Variants in MYH4 observed in about 807,000 individuals in gnomAD.
MYH4 encodes myosin-4.
Under a neutral mutation model 229.9 loss-of-function variants are expected in MYH4, and 200 were observed. That is an observed-to-expected ratio of 0.87 (90% confidence interval 0.78 to 0.98). The LOEUF is 0.98. Among genes scored for constraint, MYH4 ranks in the 50% least tolerant of loss-of-function variants. MYH4 has a pLI of 0.00. For missense variants in MYH4, 2,148 were observed against 2,332.6 expected, an observed-to-expected ratio of 0.92 and a Z score of 1.63; for synonymous variants, 761 against 834.6, an observed-to-expected ratio of 0.91 and a Z score of 1.52.
At chr17:10,460,840 A>G (rs750953301) in intron 12 of MYH4, 76 bp downstream of exon 12, 27 of 1,536,264 alleles carry the variant, frequency 1.8e-5, no homozygotes, top group Non-Finnish European at 2.3e-5. Context: ...CAGAGAAAGT[A>G]AAAACACGGT....
intron 3 of MYH4, 34 bp from the exon 4 acceptor site, chr17:10,466,450 A>G (rs1028778448): frequency 3.1e-6 from 5 of 1,612,786 alleles, no homozygotes; most frequent in Non-Finnish European, 3.4e-6. Context: ...TGCATATCAA[A>G]TAAGTAGCAG....
intron 2 of MYH4, among the ~76,000 whole-genome samples, chr17:10,468,250 A>G (rs1174830123): frequency 6.6e-6 from 1 of 152,196 alleles, no homozygotes; most frequent in Non-Finnish European, 1.5e-5. Context: ...GGAGGTTACT[A>G]TAATGCAGTG....
In MYH4 at chr17:10,465,430, A is replaced by G. The variant is rs369242383; in HGVS notation, c.505+12T>C. 1 of 1,613,058 alleles carries G rather than the reference A, an allele frequency of 6.2e-7. No individual in the cohort carries two copies. Among genetic ancestry groups the G allele is most frequent in the Non-Finnish European group, 8.5e-7 (1 of 1,179,836 alleles). On this transcript the variant is annotated intron_variant, in intron 5 of 39. Transcript: ENST00000255381. ...TTTACAAATGGCTATGGAAATTGTA[A>G]TTCTCACTCACCAGTTAGCATGAAC...
Position 10,459,326 on chromosome 17 carries a change from G to A in MYH4, c.1512C>T (p.Tyr504=). 6.2e-7 allele frequency: 1 copy of A among 1,614,120 alleles called. No individual in the cohort carries two copies. The highest frequency in any genetic ancestry group is 2.2e-5 in the East Asian group (1 of 44,878). The change falls in exon 15 of 40, where the codon TAC becomes TAT. Residue 504 remains tyrosine (Y), a synonymous_variant. Transcript: ENST00000255381. Reference sequence around the variant, plus strand: ...ACTCCCACTCGATGCCTTCCTTCTTGTACTCTTCCTGCTCCAGCACGAACA... The same window carrying A: ...ACTCCCACTCGATGCCTTCCTTCTTATACTCTTCCTGCTCCAGCACGAACA... ...HHMFVLEQEE[Y]KKEGIEWEFI... is the part of the protein sequence containing the mutation.
Position 10,452,048 on chromosome 17 carries a change from T to C in MYH4, c.3631A>G (p.Ile1211Val), listed in dbSNP as rs758703337. 18 of 1,613,792 alleles carry C rather than the reference T, an allele frequency of 1.1e-5. 1 individual carries two copies. The South Asian group carries it at 1.9e-4, about 17-fold the overall frequency. The change falls in exon 27 of 40, where the codon ATT becomes GTT. Residue 1211 changes from isoleucine to valine, a missense_variant. Physicochemically the swap from Ile to Val is conservative, Grantham distance 29. Coordinates refer to ENST00000255381, the MANE Select transcript of MYH4 (RefSeq NM_017533.2). ...ADSVAELGEQIDSLQRVKQKL... is the reference protein window; with the variant it reads ...ADSVAELGEQVDSLQRVKQKL... ...TGCTTGACCCGCTGAAGGCTGTCAA[T>C]CTGCTCCCCAAGCTCAGCCACACTA...
At chr17:10,458,495 T>C (rs1040663521) in intron 15 of MYH4, among the ~76,000 whole-genome samples, 1 of 152,208 alleles carries the variant, frequency 6.6e-6, no homozygotes, top group Non-Finnish European at 1.5e-5. Flanking sequence ...TAAACTCTTA[T>C]CTTTCATATT....
chr17:10,456,355 G>A, intron 17 of MYH4, 130 bp downstream of exon 17: 1 of 712,510 alleles, frequency 1.4e-6, no homozygotes, highest in Non-Finnish European at 2.2e-6. Context: ...AAAACCTTTA[G>A]TAGTATACTA....
Position 10,448,735 on chromosome 17 carries a change from C to G in MYH4, c.4414G>C (p.Glu1472Gln), listed in dbSNP as rs772615336. Residue 1472 changes from glutamate to glutamine, a missense_variant, in exon 32 of 40, where the codon GAG becomes CAG. Glu to Gln is a conservative substitution (Grantham distance 29). Transcript: ENST00000255381. ...GAACGCGACTCCTTCTGGGAGGCCT[C>G]AAGTTCAGCCTGAGTTTCCTCATAC... is the stretch of plus-strand genomic sequence containing the variant. The part of the protein sequence containing the change: ...QKYEETQAEL[E>Q]ASQKESRSLS... The G allele has an allele frequency of 1.2e-6, 2 of 1,614,124 alleles. No homozygotes were observed. The highest frequency in any genetic ancestry group is 4.5e-5 in the East Asian group (2 of 44,882).
chr17:10,448,500 C>T lies in MYH4; in HGVS notation c.4552G>A (p.Glu1518Lys). The change falls in exon 33 of 40, where the codon GAG becomes AAG. Residue 1518 changes from glutamate (E) to lysine (K), a missense_variant. Transcript: ENST00000255381. ...TGCTTTCCACCCTCTGCAATTTGCTCTGTCAGGTCAGAAATCTCCTCTGTA... is the reference window on the plus strand; with the variant it reads ...TGCTTTCCACCCTCTGCAATTTGCTTTGTCAGGTCAGAAATCTCCTCTGTA... ...NLQQEISDLT[E>K]QIAEGGKHIH... The T allele has an allele frequency of 1.2e-6, 2 of 1,613,756 alleles. No homozygotes were observed. The highest frequency in any genetic ancestry group is 1.1e-5 in the South Asian group (1 of 90,972).
intron 22 of MYH4, 56 bp downstream of exon 22, chr17:10,454,499 A>C (rs1490514054): frequency 5.7e-6 from 9 of 1,570,668 alleles, no homozygotes; most frequent in Non-Finnish European, 6.0e-6. Context: ...GAAACCATTC[A>C]TTTTAAAACG....
rs753402914 is a variant in MYH4, at chr17:10,457,519, T to G, written c.1798A>C (p.Asn600His). The G allele has an allele frequency of 1.2e-6, 2 of 1,614,202 alleles. No homozygotes were observed. The highest frequency in any genetic ancestry group is 2.2e-5 in the South Asian group (2 of 91,072). ...ACAGTCTCATTCAGGGGGTCCTTGT[T>G]TTTGTCCAGCCAGCCGGCGATGTTG... ...DYNIAGWLDK[N>H]KDPLNETVVG... Residue 600 changes from asparagine (N) to histidine (H), a missense_variant, in exon 16 of 40, where the codon AAC becomes CAC. Asn to His is a moderately conservative substitution (Grantham distance 68). Transcript: ENST00000255381.
intron 15 of MYH4, among the ~76,000 whole-genome samples, chr17:10,458,975 A>G (rs527928666): frequency 3.0e-4 from 45 of 152,230 alleles, no homozygotes; most frequent in Non-Finnish European, 6.0e-4. Flanking sequence ...CCTTTCTCCC[A>G]TATGCATGAA....
At chr17:10,452,604 G>C (rs1433982149) in intron 25 of MYH4, 98 bp from the exon 26 acceptor site, 7 of 1,284,138 alleles carry the variant, frequency 5.5e-6, no homozygotes, top group Non-Finnish European at 7.6e-6. Context: ...TGGTGTTGAA[G>C]GAGTGAGTAG....
intron 15 of MYH4, among the ~76,000 whole-genome samples, chr17:10,458,447 G>A (rs757545478): frequency 2.0e-5 from 3 of 152,114 alleles, no homozygotes; most frequent in Non-Finnish European, 4.4e-5. Flanking sequence ...CCAGATTAAC[G>A]TATCTTTTCC....
intron 11 of MYH4, among the ~76,000 whole-genome samples, chr17:10,462,563 A>G (rs759273996): frequency 2.0e-5 from 3 of 152,210 alleles, no homozygotes; most frequent in Non-Finnish European, 4.4e-5. Flanking sequence ...AATAGCAGAG[A>G]AACATTAATA....
rs116086693 is a variant in MYH4, at chr17:10,453,065, G to A, written c.3111+87C>T. The A allele has an allele frequency of 1.1e-3, 1,705 of 1,598,596 alleles. 19 individuals carry two copies. In the African/African-American group the frequency reaches 0.019, roughly 18 times the overall value. On this transcript the variant is annotated intron_variant, in intron 24 of 39. Transcript: ENST00000255381. Reference sequence around the variant, plus strand: ...CAAGAACTTTATTCACAGACCAAGCGTTAAAGGCTTATGACTATCAGTGCT... The same window carrying A: ...CAAGAACTTTATTCACAGACCAAGCATTAAAGGCTTATGACTATCAGTGCT...
intron 35 of MYH4, among the ~76,000 whole-genome samples, chr17:10,446,096 T>G (rs1029195127): frequency 6.6e-6 from 1 of 151,590 alleles, no homozygotes; most frequent in African/African-American, 2.4e-5. Context: ...ATCCCTTCTG[T>G]TTTTGGCAAG....
chr17:10,455,342 A>T, intron 19 of MYH4, 47 bp from the exon 20 acceptor site: 1 of 1,567,970 alleles, frequency 6.4e-7, no homozygotes, highest in Non-Finnish European at 8.7e-7. Context: ...CTTCACTGAA[A>T]AAAACAGTAG....
At chr17:10,458,775 A>G (rs1252549551) in intron 15 of MYH4, among the ~76,000 whole-genome samples, 1 of 152,186 alleles carries the variant, frequency 6.6e-6, no homozygotes, top group African/African-American at 2.4e-5. Context: ...TTTGGTGTTT[A>G]TTCAGTAGTT....
Sources: allele counts gnomAD v4.1 joint callset (sites outside exome capture counted in the v4.1 genomes callset), GRCh38; gene constraint gnomAD v4.1.1; transcripts MANE v1.5; gene names NCBI Gene and HGNC (gene_info 2026-07-23, HGNC 2026-07-21).